The following LEMD1 variants were observed in gnomAD, a reference collection of about 807,000 sequenced individuals.
LEMD1 encodes the protein LEM domain containing 1.
A neutral mutation model predicts 17.4 loss-of-function variants in LEMD1; 18 were observed. That is an observed-to-expected ratio of 1.04 (90% CI 0.72 to 1.54). The LOEUF (loss-of-function observed/expected upper bound fraction) is 1.54, where lower values mean the gene tolerates loss of function less well. Ranked by LOEUF, LEMD1 falls within the 40% of genes most tolerant of loss-of-function variation. The pLI is 0.00. For missense variants in LEMD1, 195 were observed against 210.4 expected (o/e 0.93, Z 0.45); for synonymous variants, 88 against 77.8 (o/e 1.13, Z -0.69).
intron 1 of LEMD1, chr1:205,435,854 C>G (rs954154575): frequency 2.0e-5 from 3 of 152,148 alleles, no homozygotes; most frequent in Non-Finnish European, 4.4e-5. Context: ...AGAGACAAAC[C>G]CCTGTTAAAC....
At chr1:205,442,938 A>G (rs1666320268) in intron 1 of LEMD1, among the ~76,000 whole-genome samples, 2 of 152,156 alleles carry the variant, frequency 1.3e-5, no homozygotes, top group Admixed American at 1.3e-4. Flanking sequence ...AAGTGGCTAC[A>G]TCTCTCTGGG....
intron 1 of LEMD1, among the ~76,000 whole-genome samples, chr1:205,434,350 T>A (rs958993569): frequency 0.024 from 2,121 of 89,500 alleles, 22 homozygotes; most frequent in Middle Eastern, 0.047. Flanking sequence ...TAAAAAAAAA[T>A]ATATATATAT....
chr1:205,399,079 G>A (rs1664717998), intron 4 of LEMD1, among the ~76,000 whole-genome samples: 1 of 152,102 alleles, frequency 6.6e-6, no homozygotes. Context: ...GCCGAGTGTG[G>A]TGGTGCAAGC....
At chr1:205,447,056 C>A (rs993160430) in intron 1 of LEMD1, among the ~76,000 whole-genome samples, 6 of 152,260 alleles carry the variant, frequency 3.9e-5, no homozygotes, top group African/African-American at 1.4e-4. Context: ...AACCTCCCGT[C>A]TGGGTACAGC....
At chr1:205,442,551 C>T (rs1666312710) in intron 1 of LEMD1, among the ~76,000 whole-genome samples, 1 of 152,228 alleles carries the variant, frequency 6.6e-6, no homozygotes, top group African/African-American at 2.4e-5. Context: ...AGATTCTCCC[C>T]TCCCTCAGCC....
intron 4 of LEMD1, among the ~76,000 whole-genome samples, chr1:205,411,570 GAA>G (rs1665438260): frequency 8.0e-6 from 1 of 125,582 alleles, no homozygotes; most frequent in African/African-American, 3.0e-5. Context: ...AAAAAAAAAA[GAA>G]AGAAGGAGAG....
chr1:205,420,729 A>G, intron 1 of LEMD1, 155 bp from the exon 2 acceptor site: 1 of 580,108 alleles, frequency 1.7e-6, no homozygotes, highest in African/African-American at 1.9e-5. Context: ...TCTGCCATAA[A>G]TCCCTGCTGG....
At chr1:205,438,618 G>C (rs1575007053) in intron 1 of LEMD1, among the ~76,000 whole-genome samples, 1 of 152,272 alleles carries the variant, frequency 6.6e-6, no homozygotes, top group East Asian at 1.9e-4. Context: ...GGTGTGCCTG[G>C]CTAGAAGCTG....
At chr1:205,392,345 C>G (rs1314738698) in intron 4 of LEMD1, among the ~76,000 whole-genome samples, 2 of 151,426 alleles carry the variant, frequency 1.3e-5, no homozygotes, top group African/African-American at 4.9e-5. Context: ...AACTGACAGC[C>G]TGCGCAGCAA....
chr1:205,445,253 T>A (rs1666368059), intron 1 of LEMD1, among the ~76,000 whole-genome samples: 1 of 152,114 alleles, frequency 6.6e-6, no homozygotes, highest in South Asian at 2.1e-4. Context: ...AAGCCTAGCC[T>A]CTGCAGGTTT....
chr1:205,430,262 C>T (rs1441892588), intron 1 of LEMD1, among the ~76,000 whole-genome samples: 2 of 152,186 alleles, frequency 1.3e-5, no homozygotes, highest in African/African-American at 2.4e-5. Flanking sequence ...GACCAGCTCC[C>T]GTAGAAGCCC....
At chr1:205,419,172 T>G (rs1574994358) in intron 3 of LEMD1, 58 bp downstream of exon 3, 1 of 1,584,962 alleles carries the variant, frequency 6.3e-7, no homozygotes, top group East Asian at 2.2e-5. Flanking sequence ...TAAATCATGC[T>G]GGACAAGGTA....
At chr1:205,416,201 A>G (rs1558732327) in intron 4 of LEMD1, 31 bp downstream of exon 4, 2 of 1,395,486 alleles carry the variant, frequency 1.4e-6, no homozygotes, top group Non-Finnish European at 2.0e-6. Context: ...ATATATGGGT[A>G]TAAGTATTCA....
At chr1:205,392,032 A>G (rs990484879) in intron 4 of LEMD1, among the ~76,000 whole-genome samples, 2 of 151,044 alleles carry the variant, frequency 1.3e-5, no homozygotes, top group African/African-American at 4.9e-5. Flanking sequence ...GATTGCTTGA[A>G]CCCGGGAGGC....
At chr1:205,391,208 G>C (rs762015787) in intron 4 of LEMD1, among the ~76,000 whole-genome samples, 8 of 152,070 alleles carry the variant, frequency 5.3e-5, no homozygotes, top group Non-Finnish European at 8.8e-5. Flanking sequence ...TGGGGTAGAT[G>C]TACTTCTCTC....
chr1:205,416,056 T>C (rs1665679813), intron 4 of LEMD1, among the ~76,000 whole-genome samples, 176 bp downstream of exon 4: 1 of 152,128 alleles, frequency 6.6e-6, no homozygotes, highest in Admixed American at 6.5e-5. Flanking sequence ...TGCTAGATCA[T>C]GGAAATTTTT....
rs1666445680 is a variant in LEMD1 at position 205,448,703 on chromosome 1, C to A, written c.-39+1165G>T. ...ATTCCCTTAATTAGCTTCCAGCCCC[C>A]TGCCCAGGGTCCTTAACTACCCCTT... On this transcript the variant is annotated intron_variant, in intron 1 of 3. Coordinates refer to the LEMD1 transcript ENST00000367154. The surrounding 1 kb of genome is among the most constrained non-coding windows in gnomAD (Gnocchi z 4.7). Among the ~76,000 whole-genome samples the A allele has an allele frequency of 6.6e-6, 1 of 152,154 alleles. No homozygotes were observed. The highest frequency in any genetic ancestry group is 2.4e-5 in the African/African-American group (1 of 41,428).
chr1:205,427,357 T>C (rs1666070730), intron 1 of LEMD1, among the ~76,000 whole-genome samples: 1 of 152,016 alleles, frequency 6.6e-6, no homozygotes, highest in South Asian at 2.1e-4. Flanking sequence ...ACATCACTCA[T>C]GACTGGGGCA....
intron 5 of LEMD1, chr1:205,382,109 C>G: frequency 2.1e-6 from 1 of 479,950 alleles, no homozygotes; most frequent in Non-Finnish European, 3.7e-6. Flanking sequence ...TCAAGACATC[C>G]TCCCACGTCT....
Sources: gnomAD v4.1 joint callset for allele counts (sites outside exome capture counted in the v4.1 genomes callset) on GRCh38, gnomAD v4.1.1 for gene constraint, Gnocchi (gnomAD v3.1) non-coding constraint, MANE v1.5 for transcripts, NCBI Gene and HGNC (gene_info 2026-07-23, HGNC 2026-07-21) for gene names.